Variants in USP26 observed in about 807,000 individuals in gnomAD.
The protein encoded by USP26 is ubiquitin specific peptidase 26.
For synonymous variants in USP26, 236 were observed against 240.6 expected (o/e 0.98, Z 0.18); for missense variants, 649 against 642.3 (o/e 1.01, Z -0.11).
intron 5 of USP26, among the ~76,000 whole-genome samples, chrX:133,045,634 C>T (rs1602975011): frequency 9.0e-6 from 1 of 111,286 alleles, no homozygotes; most frequent in African/African-American, 3.3e-5. Flanking sequence ...GACGGGCCGC[C>T]TTATGAGCTG....
At chrX:133,088,266 G>A in intron 4 of USP26, among the ~76,000 whole-genome samples, 1 of 111,492 alleles carries the variant, frequency 9.0e-6, no homozygotes, top group African/African-American at 3.3e-5. Flanking sequence ...GATCAGTTTT[G>A]TGGAAGACAA....
chrX:133,035,870 C>T (rs985321640), intron 5 of USP26, among the ~76,000 whole-genome samples: 4 of 112,027 alleles, frequency 3.6e-5, no homozygotes, highest in African/African-American at 1.3e-4. Context: ...TTTAAAGTAC[C>T]AGTTGAGGCT....
intron 5 of USP26, among the ~76,000 whole-genome samples, chrX:133,042,786 T>C (rs1003618487): frequency 1.8e-5 from 2 of 112,096 alleles, no homozygotes; most frequent in African/African-American, 6.5e-5. Flanking sequence ...GTGTACAGTA[T>C]CAGTGCCTGT....
At chrX:133,080,716 C>T (rs746199251) in intron 5 of USP26, among the ~76,000 whole-genome samples, 7 of 111,542 alleles carry the variant, frequency 6.3e-5, no homozygotes, top group African/African-American at 2.3e-4. Flanking sequence ...GCACCCATCA[C>T]CAATATCCCA....
At chrX:133,035,456 G>A (rs1334866081) in intron 5 of USP26, among the ~76,000 whole-genome samples, 1 of 111,895 alleles carries the variant, frequency 8.9e-6, no homozygotes, top group African/African-American at 3.3e-5. Flanking sequence ...AAAGAATTTG[G>A]TAATGCCTCC....
intron 5 of USP26, among the ~76,000 whole-genome samples, chrX:133,047,817 G>A (rs1432649375): frequency 9.0e-6 from 1 of 111,567 alleles, no homozygotes; most frequent in African/African-American, 3.3e-5. Context: ...CAAGAAGAGT[G>A]CCCTTACTAG....
Position 133,027,884 on chromosome X carries a change from C to T in USP26, c.337G>A (p.Gly113Ser), listed in dbSNP as rs1477810654. The T allele has an allele frequency of 1.7e-6, 2 of 1,209,162 alleles. No individual in the cohort carries two copies. Among genetic ancestry groups the T allele is most frequent in the Admixed American group, 4.4e-5 (2 of 45,829 alleles). The change falls in exon 6 of 6, where the codon GGT (glycine) becomes AGT (serine). Residue 113 changes from glycine to serine, a missense_variant. By Grantham distance (56) the Gly-to-Ser change is moderately conservative. Coordinates refer to ENST00000511190, the MANE Select transcript of USP26 (RefSeq NM_031907.3). ...QNEVQPPVRPGKGGSVFSSTT... is the reference protein window; with the variant it reads ...QNEVQPPVRPSKGGSVFSSTT... Reference sequence around the variant, plus strand: ...CTAGAAAAGACACTCCCACCCTTACCAGGTCTCACAGGTGGCTGAACCTCG... The same window carrying T: ...CTAGAAAAGACACTCCCACCCTTACTAGGTCTCACAGGTGGCTGAACCTCG...
chrX:133,071,501 C>A (rs759347167), intron 5 of USP26, among the ~76,000 whole-genome samples: 2 of 109,193 alleles, frequency 1.8e-5, no homozygotes, highest in Non-Finnish European at 3.8e-5. Flanking sequence ...AACAGTAACT[C>A]AACTCATTAA....
At chrX:133,073,400 A>G (rs2067536624) in intron 5 of USP26, among the ~76,000 whole-genome samples, 1 of 106,260 alleles carries the variant, frequency 9.4e-6, no homozygotes, top group African/African-American at 3.4e-5. Context: ...TTTATTTCTT[A>G]TTTTGCCCAA....
chrX:133,032,042 G>A (rs1569509627), intron 5 of USP26, among the ~76,000 whole-genome samples: 3 of 111,174 alleles, frequency 2.7e-5, no homozygotes, highest in East Asian at 2.8e-4. Context: ...CCAGCTACTC[G>A]GGAGGCTGAG....
intron 5 of USP26, among the ~76,000 whole-genome samples, chrX:133,060,448 CCTT>C (rs1207446354): frequency 9.0e-6 from 1 of 111,564 alleles, no homozygotes; most frequent in Non-Finnish European, 1.9e-5. Flanking sequence ...AAAGAAAAAT[CCTT>C]CTTCTTACAG....
intron 5 of USP26, among the ~76,000 whole-genome samples, chrX:133,070,538 T>C (rs929884404): frequency 3.6e-5 from 4 of 112,091 alleles, no homozygotes; most frequent in African/African-American, 1.3e-4. Context: ...CAATTCTTTG[T>C]TGCTCTTCTA....
At chrX:133,071,537 A>T (rs754704288) in intron 5 of USP26, among the ~76,000 whole-genome samples, 4 of 96,816 alleles carry the variant, frequency 4.1e-5, no homozygotes, top group African/African-American at 8.2e-5. Flanking sequence ...AGATTCAATT[A>T]AAAAAAAAAA....
chrX:133,065,538 C>G (rs945386379), intron 5 of USP26, among the ~76,000 whole-genome samples: 2 of 111,844 alleles, frequency 1.8e-5, no homozygotes, highest in Non-Finnish European at 3.8e-5. Flanking sequence ...ATGATCACAT[C>G]AGCTTCACCC....
At chrX:133,093,959 T>A (rs1161370518) in intron 1 of USP26, among the ~76,000 whole-genome samples, 1 of 56,901 alleles carries the variant, frequency 1.8e-5, no homozygotes, top group Admixed American at 3.0e-4. Context: ...CCATCCTGGG[T>A]AACAAAGCCA....
chrX:133,040,405 G>A (rs768558693), intron 5 of USP26, among the ~76,000 whole-genome samples: 95 of 111,410 alleles, frequency 8.5e-4, no homozygotes, highest in Non-Finnish European at 1.5e-3. Flanking sequence ...AAATCCCTCA[G>A]CATTTGCTTG....
chrX:133,038,795 G>A (rs1381100411), intron 5 of USP26, among the ~76,000 whole-genome samples: 2 of 111,808 alleles, frequency 1.8e-5, no homozygotes, highest in East Asian at 2.8e-4. Context: ...GTGGTCCTGG[G>A]CTGTTTTTGG....
chrX:133,046,344 A>T, intron 5 of USP26, among the ~76,000 whole-genome samples: 1 of 112,306 alleles, frequency 8.9e-6, no homozygotes, highest in Non-Finnish European at 1.9e-5. Context: ...TTGAAAATGT[A>T]TTAAATGCCA....
At chrX:133,096,960 C>A (rs749923119) in intron 1 of USP26, 70 bp downstream of exon 1, 1 of 112,578 alleles carries the variant, frequency 8.9e-6, no homozygotes, top group African/African-American at 3.2e-5. Context: ...CATATAGCCA[C>A]ATATAGAAAG....
Sources: allele counts gnomAD v4.1 joint callset (sites outside exome capture counted in the v4.1 genomes callset), GRCh38; gene constraint gnomAD v4.1.1; transcripts MANE v1.5; gene names NCBI Gene and HGNC (gene_info 2026-07-23, HGNC 2026-07-21).